The following USP48 variants were observed in gnomAD, a reference collection of about 807,000 sequenced individuals.
The protein encoded by USP48 is ubiquitin carboxyl-terminal hydrolase 48.
In USP48, 43 loss-of-function variants were observed where a neutral mutation model predicts 150.7. The observed-to-expected ratio is 0.29, with a 90% CI of 0.22 to 0.37. The LOEUF (loss-of-function observed/expected upper bound fraction) is 0.37. Among genes scored for constraint, USP48 ranks in the 10% least tolerant of loss-of-function variants. The probability of loss-of-function intolerance (pLI) is 1.00; values close to 1 mark genes in which losing one functional copy is unlikely to be tolerated. For synonymous variants in USP48, 396 were observed against 425.9 expected, an observed-to-expected ratio of 0.93 and a Z score of 0.86; for missense variants, 813 against 1,249.6, an observed-to-expected ratio of 0.65 and a Z score of 5.27.
chr1:21,739,138 G>C (rs1197701001), intron 8 of USP48, among the ~76,000 whole-genome samples: 2 of 152,058 alleles, frequency 1.3e-5, no homozygotes, highest in Non-Finnish European at 2.9e-5. Flanking sequence ...ATCTCAAAGG[G>C]CTTACGGGAT....
At chr1:21,778,776 A>G (rs1462313341) in intron 1 of USP48, among the ~76,000 whole-genome samples, 1 of 147,174 alleles carries the variant, frequency 6.8e-6, no homozygotes, top group Non-Finnish European at 1.5e-5. Context: ...TTGGAGACGG[A>G]GTCTCGTTCT....
intron 23 of USP48, among the ~76,000 whole-genome samples, chr1:21,693,737 A>G (rs2097611616): frequency 6.6e-6 from 1 of 152,248 alleles, no homozygotes; most frequent in Non-Finnish European, 1.5e-5. Flanking sequence ...CCAGTGATAG[A>G]AACAAGGTTT....
At position 21,761,294 on chromosome 1, in the gene USP48, C is replaced by CTT. The variant is rs71016941; in HGVS notation, c.135-3513_135-3512dup. On this transcript the variant is annotated intron_variant, in intron 1 of 26. Coordinates refer to ENST00000308271, the MANE Select transcript of USP48 (RefSeq NM_032236.8). ...AGAAGTAAATAACACTCTGAACTTC[C>CTT]TTTTTTTTTTTTTTGAGACTCCCAT... Among the ~76,000 whole-genome samples the CTT allele has an allele frequency of 1.7e-3, 237 of 141,926 alleles. 2 individuals are homozygous for CTT. The highest frequency in any genetic ancestry group is 3.6e-3 in the Middle Eastern group (1 of 280). The allele number at this position is 141,926 out of a possible 152,430, so 93.1% of individuals were successfully genotyped here. A position where few individuals can be genotyped will look rare whatever the true frequency, so the allele number is the denominator to read the frequency against.
At chr1:21,774,359 T>C (rs1276172606) in intron 1 of USP48, among the ~76,000 whole-genome samples, 2 of 152,106 alleles carry the variant, frequency 1.3e-5, no homozygotes, top group Non-Finnish European at 2.9e-5. Context: ...ATGTATGCTA[T>C]GTTATATATC....
intron 1 of USP48, among the ~76,000 whole-genome samples, chr1:21,758,345 A>G (rs2097842084): frequency 6.6e-6 from 1 of 152,206 alleles, no homozygotes; most frequent in African/African-American, 2.4e-5. Flanking sequence ...TAAGAAATAT[A>G]TAAGGAAAAT....
intron 1 of USP48, among the ~76,000 whole-genome samples, chr1:21,762,944 T>C (rs1217073264): frequency 6.6e-6 from 1 of 151,766 alleles, no homozygotes; most frequent in Non-Finnish European, 1.5e-5. Context: ...ACAGACATCA[T>C]TCTCAGAAAA....
intron 25 of USP48, among the ~76,000 whole-genome samples, chr1:21,683,167 G>A (rs1341557): frequency 0.44 from 67,109 of 151,922 alleles, 15,438 homozygotes; most frequent in East Asian, 0.66. Flanking sequence ...AGGAGGCTGA[G>A]CCAGGAGAAT....
chr1:21,682,894 T>C (rs1268802238), intron 25 of USP48, among the ~76,000 whole-genome samples: 6 of 148,174 alleles, frequency 4.0e-5, no homozygotes, highest in Admixed American at 2.7e-4. Flanking sequence ...AAAAAAGATG[T>C]CTGAAAGCTC....
At chr1:21,720,330 G>A (rs1444461270) in intron 14 of USP48, among the ~76,000 whole-genome samples, 1 of 152,176 alleles carries the variant, frequency 6.6e-6, no homozygotes, top group African/African-American at 2.4e-5. Context: ...TAACTAGAGA[G>A]AGCTTGAGCC....
intron 9 of USP48, among the ~76,000 whole-genome samples, chr1:21,733,109 T>A (rs2097760850): frequency 6.6e-6 from 1 of 152,126 alleles, no homozygotes; most frequent in Non-Finnish European, 1.5e-5. Context: ...AGGTTAGTCA[T>A]CCATTCCTAA....
chr1:21,735,860 C>A (rs916484667), intron 9 of USP48, among the ~76,000 whole-genome samples: 16 of 147,482 alleles, frequency 1.1e-4, no homozygotes, highest in Non-Finnish European at 2.1e-4. Context: ...TGCACTCCAG[C>A]CTGGACAAGA....
At chr1:21,732,597 TA>T (rs2097759616) in intron 9 of USP48, 1 of 215,802 alleles carries the variant, frequency 4.6e-6, no homozygotes, top group African/African-American at 2.3e-5. Context: ...TTCATAATTT[TA>T]AAAACAGCAC....
intron 25 of USP48, 166 bp from the exon 26 acceptor site, chr1:21,681,000 CTTTG>C (rs1168997686): frequency 3.4e-6 from 2 of 581,400 alleles, no homozygotes; most frequent in African/African-American, 3.9e-5. Context: ...TCAGAACAAT[CTTTG>C]TTTCTGTTTT....
intron 9 of USP48, among the ~76,000 whole-genome samples, chr1:21,732,499 T>G (rs1269850720): frequency 6.6e-6 from 1 of 152,060 alleles, no homozygotes; most frequent in Non-Finnish European, 1.5e-5. Context: ...GAGATATATT[T>G]ACAAAAAAAG....
rs1571704383 is a variant in USP48, at chr1:21,690,187, A to T, written c.2884-88T>A. On this transcript the variant is annotated intron_variant, in intron 23 of 26. Transcript: ENST00000308271. ...TAAATAAATTATGCATGGATTCTTA[A>T]AAAAAAAAAAAAGGCTTCAGAGTAC... 29 of 1,128,588 alleles carry T rather than the reference A, an allele frequency of 2.6e-5. No individual in the cohort carries two copies. In the East Asian group the frequency reaches 6.5e-4, roughly 25 times the overall value. The allele number at this position is 1,128,588 out of a possible 1,614,324, so 69.9% of individuals were successfully genotyped here. A position where few individuals can be genotyped will look rare whatever the true frequency, so the allele number is the denominator to read the frequency against.
chr1:21,708,788 G>A (rs1229294903), intron 15 of USP48, among the ~76,000 whole-genome samples: 2 of 149,584 alleles, frequency 1.3e-5, no homozygotes, highest in African/African-American at 4.9e-5. Flanking sequence ...GGGAGGCTGA[G>A]GCAGGAGAAT....
Position 21,782,999 on chromosome 1 carries a change from G to A in USP48, c.-42C>T. ...ACGCCTCCCGAGCCAGACCGCCGCA[G>A]CCGCCGCCGCGGTCTGCACCGCCGC... is the stretch of plus-strand genomic sequence containing the variant. On this transcript the variant is annotated 5_prime_UTR_variant, in exon 1 of 27. Coordinates refer to ENST00000308271, the MANE Select transcript of USP48 (RefSeq NM_032236.8). 3 of 1,480,322 alleles carry A rather than the reference G, an allele frequency of 2.0e-6. No homozygotes were observed. Among genetic ancestry groups the A allele is most frequent in the Non-Finnish European group, 1.8e-6 (2 of 1,123,952 alleles). The allele number at this position is 1,480,322 out of a possible 1,614,324, so 91.7% of individuals were successfully genotyped here.
chr1:21,781,919 G>A (rs2152665850), intron 1 of USP48: 1 of 152,274 alleles, frequency 6.6e-6, no homozygotes, highest in East Asian at 1.9e-4. Context: ...TTATTCGTTT[G>A]CTTTATAGAA....
intron 8 of USP48, among the ~76,000 whole-genome samples, chr1:21,745,841 A>T (rs1274580568): frequency 6.6e-6 from 1 of 152,230 alleles, no homozygotes; most frequent in Non-Finnish European, 1.5e-5. Flanking sequence ...TGAACAAAGG[A>T]GGCAGGAAGC....
Sources: gnomAD v4.1 joint callset for allele counts (sites outside exome capture counted in the v4.1 genomes callset) on GRCh38, gnomAD v4.1.1 for gene constraint, MANE v1.5 for transcripts, NCBI Gene and HGNC (gene_info 2026-07-23, HGNC 2026-07-21) for gene names.